COL8A1: variants seen among roughly 807,000 people sequenced by gnomAD.
COL8A1 encodes the protein collagen alpha-1(VIII) chain.
COL8A1 carries 21 observed loss-of-function variants against 42.7 expected under a neutral mutation model. That is an observed-to-expected ratio of 0.49 (90% CI 0.35 to 0.71). The LOEUF is 0.71. Ranked by LOEUF, COL8A1 falls within the 30% of genes least tolerant of loss-of-function variation. COL8A1 has a pLI of 0.01. For missense variants in COL8A1, 788 were observed against 962.4 expected (o/e 0.82, Z 2.40); for synonymous variants, 367 against 369.1 (o/e 0.99, Z 0.06).
intron 1 of COL8A1, among the ~76,000 whole-genome samples, chr3:99,688,612 C>T (rs1939131368): frequency 1.3e-5 from 2 of 152,266 alleles, no homozygotes; most frequent in South Asian, 4.1e-4. Flanking sequence ...TTCATAGATT[C>T]TGGGGATTGA....
At chr3:99,772,273 G>A (rs1941593859) in intron 2 of COL8A1, among the ~76,000 whole-genome samples, 1 of 152,206 alleles carries the variant, frequency 6.6e-6, no homozygotes, top group African/African-American at 2.4e-5. Flanking sequence ...AAACTATGGA[G>A]ACAGTAAAAA....
At chr3:99,733,352 T>A (rs1262346758) in intron 1 of COL8A1, among the ~76,000 whole-genome samples, 2 of 135,482 alleles carry the variant, frequency 1.5e-5, no homozygotes, top group Non-Finnish European at 3.1e-5. Flanking sequence ...CCTGTGTCCA[T>A]GTGATCTCAT....
chr3:99,681,956 C>T (rs1938894990), intron 1 of COL8A1, among the ~76,000 whole-genome samples: 1 of 152,176 alleles, frequency 6.6e-6, no homozygotes, highest in Non-Finnish European at 1.5e-5. Flanking sequence ...GTGTTGGACT[C>T]CAGAGCCAGC....
chr3:99,664,186 C>G (rs596300), intron 1 of COL8A1, among the ~76,000 whole-genome samples: 42,353 of 152,170 alleles, frequency 0.28, 7,091 homozygotes, highest in East Asian at 0.48. Context: ...GGTCTTCCCT[C>G]ACTTGAATGG....
chr3:99,693,969 G>T (rs556171431), intron 1 of COL8A1, among the ~76,000 whole-genome samples: 11 of 152,152 alleles, frequency 7.2e-5, no homozygotes, highest in Non-Finnish European at 1.5e-4. Flanking sequence ...TACACAAATA[G>T]TACTGTGTTA....
At chr3:99,761,484 G>A (rs1481296657) in intron 2 of COL8A1, among the ~76,000 whole-genome samples, 1 of 152,142 alleles carries the variant, frequency 6.6e-6, no homozygotes. Flanking sequence ...AGATTTCTAA[G>A]ACTAAGTTTC....
At chr3:99,700,867 G>A (rs529208829) in intron 1 of COL8A1, among the ~76,000 whole-genome samples, 30 of 152,158 alleles carry the variant, frequency 2.0e-4, no homozygotes, top group African/African-American at 6.0e-4. Context: ...TTTGGACCAC[G>A]TTCTGGTTAC....
At chr3:99,665,673 C>CTTTTT (rs67004417) in intron 1 of COL8A1, among the ~76,000 whole-genome samples, 10 of 70,224 alleles carry the variant, frequency 1.4e-4, no homozygotes, top group Non-Finnish European at 2.4e-4. Context: ...TGAATTAATT[C>CTTTTT]TTTTTTTTTT....
chr3:99,728,503 C>T (rs1408020514), intron 1 of COL8A1, among the ~76,000 whole-genome samples: 1 of 151,962 alleles, frequency 6.6e-6, no homozygotes, highest in African/African-American at 2.4e-5. Flanking sequence ...TTTTACAGAG[C>T]ATCATTTTAA....
intron 1 of COL8A1, among the ~76,000 whole-genome samples, chr3:99,713,305 C>T (rs951248277): frequency 6.6e-6 from 1 of 152,042 alleles, no homozygotes; most frequent in Non-Finnish European, 1.5e-5. Context: ...TTCAATCTTC[C>T]ACCACTTAGT....
intron 1 of COL8A1, among the ~76,000 whole-genome samples, chr3:99,669,729 C>A (rs187194804): frequency 6.6e-6 from 1 of 151,906 alleles, no homozygotes; most frequent in Admixed American, 6.6e-5. Flanking sequence ...ATAGGAGAGA[C>A]AAAATTACAA....
At chr3:99,698,948 T>C (rs553430108) in intron 1 of COL8A1, among the ~76,000 whole-genome samples, 2 of 152,240 alleles carry the variant, frequency 1.3e-5, no homozygotes, top group East Asian at 3.9e-4. Context: ...GAATGCTCCA[T>C]AGAAGCGGGG....
At position 99,794,269 on chromosome 3, in the gene COL8A1, G is replaced by A. The variant is rs769320857; in HGVS notation, c.368G>A (p.Arg123His). The change falls in exon 4 of 4, where the codon CGT (arginine) becomes CAT (histidine). Residue 123 changes from arginine to histidine, a missense_variant. Around this residue, in one of 4 missense-constraint regions of COL8A1, gnomAD observed 421 missense variants for 553.1 expected, o/e 0.76. Transcript: ENST00000652472. This position sits in a 1 kb window ranked among gnomAD's most constrained non-coding sequence, Gnocchi z 4.3. ...LASLRGEQGP[R>H]GEPGPRGPPG... The stretch of plus-strand genomic sequence containing the variant: ...AGTTTACGAGGGGAACAAGGTCCCC[G>A]TGGAGAGCCTGGCCCAAGAGGACCA... The A allele has an allele frequency of 1.3e-5, 21 of 1,606,974 alleles. No homozygotes were observed. Among genetic ancestry groups the A allele is most frequent in the South Asian group, 3.3e-5 (3 of 90,504 alleles).
At chr3:99,661,119 A>G (rs1938190082) in intron 1 of COL8A1, among the ~76,000 whole-genome samples, 2 of 152,194 alleles carry the variant, frequency 1.3e-5, no homozygotes, top group Admixed American at 6.5e-5. Flanking sequence ...TTAGGATATA[A>G]AAATAATGGT....
rs1025615823 is a variant in COL8A1, at chr3:99,647,551, T to C, written c.-129+8887T>C. 3.3e-5 allele frequency among the ~76,000 whole-genome samples: 5 copies of C among 152,106 alleles called. No homozygotes were observed. The East Asian group carries it at 5.8e-4, about 18-fold the overall frequency. Reference sequence around the variant, plus strand: ...AAAAATCTTTAGAACACTGGACAAATTGAAGTTGTCTCTTCCTTTCCATCC... The same window carrying C: ...AAAAATCTTTAGAACACTGGACAAACTGAAGTTGTCTCTTCCTTTCCATCC... On this transcript the variant is annotated intron_variant, in intron 1 of 3. Coordinates refer to ENST00000652472, the MANE Select transcript of COL8A1 (RefSeq NM_020351.4).
chr3:99,731,816 G>A (rs1473085584), intron 1 of COL8A1, among the ~76,000 whole-genome samples: 1 of 152,178 alleles, frequency 6.6e-6, no homozygotes, highest in Non-Finnish European at 1.5e-5. Context: ...TTGGAAAGTG[G>A]TGTGAATTCA....
chr3:99,644,834 C>T (rs191674196), intron 1 of COL8A1, among the ~76,000 whole-genome samples: 1 of 152,320 alleles, frequency 6.6e-6, no homozygotes, highest in East Asian at 1.9e-4. Context: ...CAGCTGTCAA[C>T]TTCTCTAGGA....
intron 1 of COL8A1, among the ~76,000 whole-genome samples, chr3:99,698,499 A>G (rs1939443862): frequency 6.6e-6 from 1 of 152,244 alleles, no homozygotes; most frequent in African/African-American, 2.4e-5. Flanking sequence ...TTGATGTCAG[A>G]GAAGGATCTA....
At chr3:99,725,267 C>A (rs1256400301) in intron 1 of COL8A1, among the ~76,000 whole-genome samples, 2 of 151,994 alleles carry the variant, frequency 1.3e-5, no homozygotes, top group Admixed American at 1.3e-4. Flanking sequence ...CTGAGTTCAC[C>A]CACTGCCATA....
Sources: gnomAD v4.1 joint callset for allele counts (sites outside exome capture counted in the v4.1 genomes callset) on GRCh38, gnomAD v4.1.1 for gene constraint, gnomAD v4.1.1 regional missense constraint, Gnocchi (gnomAD v3.1) non-coding constraint, MANE v1.5 for transcripts, NCBI Gene and HGNC (gene_info 2026-07-23, HGNC 2026-07-21) for gene names.